The following AARS2 variants were observed in gnomAD, a reference collection of about 807,000 sequenced individuals.
The protein encoded by AARS2 is alanyl-tRNA synthetase 2, mitochondrial.
A neutral mutation model predicts 119.7 loss-of-function variants in AARS2; 78 were observed. The ratio of observed to expected loss-of-function variants is 0.65; its 90% CI spans 0.54 to 0.79. The LOEUF is 0.79. Among genes scored for constraint, AARS2 ranks in the 30% least tolerant of loss-of-function variants. The pLI, the probability that AARS2 is intolerant of heterozygous loss-of-function variation, is 0.00. For missense variants in AARS2, 1,157 were observed against 1,291.3 expected, an observed-to-expected ratio of 0.90 and a Z score of 1.59; for synonymous variants, 502 against 526.3, an observed-to-expected ratio of 0.95 and a Z score of 0.63.
rs1258430421 is a variant in AARS2 at position 44,307,031 on chromosome 6, C to T, written c.1041G>A (p.Pro347=). Residue 347 remains proline, a splice_region_variant and synonymous_variant, in exon 7 of 22, where the codon CCG becomes CCA. Transcript: ENST00000244571. The surrounding 1 kb of genome is among the most constrained non-coding windows in gnomAD (Gnocchi z 4.4). ...GACGCAGGATCCGACGAAGAACCAG[C>T]CTAAAGGGGTTCAGAGCCCAGACAT... ...DGIFPGMSGP[P]LVLRRILRRA... The T allele has an allele frequency of 1.2e-6, 2 of 1,614,068 alleles. No homozygotes were observed. The highest frequency in any genetic ancestry group is 2.2e-5 in the South Asian group (2 of 91,084).
chr6:44,301,491 G>T (rs373968866), intron 19 of AARS2, 27 bp from the exon 20 acceptor site: 1 of 1,598,120 alleles, frequency 6.3e-7, no homozygotes. Context: ...ACAAGCAGAG[G>T]GGTCAGGCTG....
At position 44,307,142 on chromosome 6, in the gene AARS2, C is replaced by T. The variant is rs1156534877; in HGVS notation, c.1040+107G>A. 6.3e-7 allele frequency: 1 copy of T among 1,591,388 alleles called. No homozygotes were observed. The highest frequency in any genetic ancestry group is 1.3e-5 in the African/African-American group (1 of 74,292). On this transcript the variant is annotated intron_variant, in intron 6 of 21. Coordinates refer to ENST00000244571, the MANE Select transcript of AARS2 (RefSeq NM_020745.4). This position sits in a 1 kb window ranked among gnomAD's most constrained non-coding sequence, Gnocchi z 4.4. ...GCTCCCACCTCAAAGCTCTCCCTCT[C>T]CCCATTCCTCCTACTGGCTCAACCA...
Position 44,304,498 on chromosome 6 carries a change from A to G in AARS2, c.1788T>C (p.Cys596=), listed in dbSNP as rs201849519. ...CTGCCTCATGCAGGATGAAACCTCC[A>G]CAGACCTGGGCCCGGGCTACTGGGA... The part of the protein sequence containing the change: ...VLFPVARAQV[C]GGFILHEAVA... Residue 596 remains cysteine (C), a synonymous_variant, in exon 13 of 22, where the codon TGT becomes TGC. Coordinates refer to ENST00000244571, the MANE Select transcript of AARS2 (RefSeq NM_020745.4). 9 of 1,614,046 alleles carry G rather than the reference A, an allele frequency of 5.6e-6. No individual in the cohort carries two copies. The highest frequency in any genetic ancestry group is 6.8e-6 in the Non-Finnish European group (8 of 1,180,036).
intron 21 of AARS2, 69 bp downstream of exon 21, chr6:44,301,087 G>T: frequency 7.0e-7 from 1 of 1,424,180 alleles, no homozygotes; most frequent in Non-Finnish European, 9.8e-7. Flanking sequence ...AATTAAAGGT[G>T]TAAAATCAGA....
At position 44,307,216 on chromosome 6, in the gene AARS2, C is replaced by A; in HGVS notation, c.1040+33G>T. 6.2e-7 allele frequency: 1 copy of A among 1,613,722 alleles called. No individual in the cohort carries two copies. The highest frequency in any genetic ancestry group is 2.2e-5 in the East Asian group (1 of 44,878). On this transcript the variant is annotated intron_variant, in intron 6 of 21. Transcript: ENST00000244571. This position sits in a 1 kb window ranked among gnomAD's most constrained non-coding sequence, Gnocchi z 4.4. ...CTCCTCCACCTGAGACCCCCAGCAG[C>A]CCCTGTCCTCTCTGTAGCCCTTCCA...
At chr6:44,306,825 C>T (rs1583056175) in intron 7 of AARS2, 98 bp downstream of exon 7, 1 of 1,165,796 alleles carries the variant, frequency 8.6e-7, no homozygotes, top group Non-Finnish European at 1.3e-6. Context: ...AGGGTGGGGA[C>T]CTCTGGGCAC....
chr6:44,304,543 G>A lies in AARS2; in HGVS notation c.1753-10C>T, dbSNP rs757427721. 2 of 1,614,088 alleles carry A rather than the reference G, an allele frequency of 1.2e-6. No homozygotes were observed. The highest frequency in any genetic ancestry group is 8.5e-7 in the Non-Finnish European group (1 of 1,179,978). On this transcript the variant is annotated splice_polypyrimidine_tract_variant and intron_variant, in intron 12 of 21. Transcript: ENST00000244571. ...CTGGGAACAGCACGTCCTGAGGGAG[G>A]GTAGTGGTCAAGGTGCCTGTAGCCT...
chr6:44,306,363 G>C lies in AARS2; in HGVS notation c.1217C>G (p.Ala406Gly), dbSNP rs1785845893. The C allele has an allele frequency of 6.2e-7, 1 of 1,614,086 alleles. No individual in the cohort carries two copies. Among genetic ancestry groups the C allele is most frequent in the African/African-American group, 1.3e-5 (1 of 75,016 alleles). ...QIANLVSEDE[A>G]AFLASLERGR... ...CCGCTCCAGGGAGGCCAGGAAGGCT[G>C]CCTCGTCCTCTGACACCAGGTTGGC... The change falls in exon 9 of 22, where the codon GCA becomes GGA. Residue 406 changes from alanine to glycine, a missense_variant. Physicochemically the swap from Ala to Gly is moderately conservative, Grantham distance 60. Transcript: ENST00000244571.
rs768192967 is a variant in AARS2, at chr6:44,303,347, T to G, written c.2084A>C (p.Tyr695Ser). Reference protein sequence around the residue: ...QEAVGQDEAVYMEEVPLALTA... With the variant: ...QEAVGQDEAVSMEEVPLALTA... ...GAGCGCCAGGGGCACCTCCTCCATG[T>G]ACACAGCCTCATCCTGCCCCACGGC... The change falls in exon 15 of 22, where the codon TAC (tyrosine) becomes TCC (serine). Residue 695 changes from tyrosine to serine, a missense_variant. Physicochemically the swap from Tyr to Ser is moderately radical, Grantham distance 144. Transcript: ENST00000244571. The G allele has an allele frequency of 6.2e-7, 1 of 1,614,048 alleles. No homozygotes were observed. The highest frequency in any genetic ancestry group is 1.1e-5 in the South Asian group (1 of 91,090).
rs1019948323 is a variant in AARS2, at chr6:44,310,882, C to T, written c.749+112G>A. ...GGTGTTGAGAATTGTGCCTGACACA[C>T]GGTAAGCACCGTTTACATGTTTGTT... On this transcript the variant is annotated intron_variant, in intron 4 of 21. Transcript: ENST00000244571. 54 of 1,387,904 alleles carry T rather than the reference C, an allele frequency of 3.9e-5. No homozygotes were observed. The East Asian group carries it at 7.6e-4, about 19-fold the overall frequency. 86.0% of individuals were successfully genotyped at this position (1,387,904 alleles called of 1,614,324 possible). A position where few individuals can be genotyped will look rare whatever the true frequency, so the allele number is the denominator to read the frequency against.
At position 44,311,047 on chromosome 6, in the gene AARS2, C is replaced by T. The variant is rs1786306120; in HGVS notation, c.696G>A (p.Val232=). 1 of 1,614,054 alleles carries T rather than the reference C, an allele frequency of 6.2e-7. No individual in the cohort carries two copies. Among genetic ancestry groups the T allele is most frequent in the African/African-American group, 1.3e-5 (1 of 75,052 alleles). Residue 232 remains valine, a synonymous_variant, in exon 4 of 22, where the codon GTG becomes GTA. Coordinates refer to ENST00000244571, the MANE Select transcript of AARS2 (RefSeq NM_020745.4). ...TEIHYDLAGG[V]GAPQLVELWN... The stretch of plus-strand genomic sequence containing the variant: ...AAAGCTCTACCAGCTGGGGGGCTCC[C>T]ACCCCACCAGCAAGGTCGTAGTGGA...
In AARS2 at chr6:44,300,334, C is replaced by T. The variant is rs551723466; in HGVS notation, c.*213G>A. On this transcript the variant is annotated 3_prime_UTR_variant, in exon 22 of 22. Transcript: ENST00000244571. ...CCATAATTGTCCATGTCTTCTCTTT[C>T]ACCAAGGGGGTGTGTGTCTTTGGGC... The T allele has an allele frequency of 3.1e-6, 2 of 639,082 alleles. No individual in the cohort carries two copies. The highest frequency in any genetic ancestry group is 2.7e-5 in the East Asian group (1 of 37,186). The allele number at this position is 639,082 out of a possible 1,614,324, so 39.6% of individuals were successfully genotyped here.
chr6:44,307,235 C>G lies in AARS2; in HGVS notation c.1040+14G>C. The G allele has an allele frequency of 6.2e-7, 1 of 1,613,974 alleles. No homozygotes were observed. The highest frequency in any genetic ancestry group is 8.5e-7 in the Non-Finnish European group (1 of 1,179,976). ...CAGCAGCCCCTGTCCTCTCTGTAGC[C>G]CTTCCAGACTCACGGGGGACCTGAC... On this transcript the variant is annotated intron_variant, in intron 6 of 21. Coordinates refer to ENST00000244571, the MANE Select transcript of AARS2 (RefSeq NM_020745.4). The surrounding 1 kb of genome is among the most constrained non-coding windows in gnomAD (Gnocchi z 4.4).
chr6:44,301,128 C>T (rs369343124), intron 21 of AARS2, 28 bp downstream of exon 21: 569 of 1,578,350 alleles, frequency 3.6e-4, no homozygotes, highest in Admixed American at 4.9e-4. Flanking sequence ...TTAATGGGGG[C>T]GGTGGGCTGC....
chr6:44,303,856 G>C (rs1583052372), intron 14 of AARS2, among the ~76,000 whole-genome samples: 1 of 152,216 alleles, frequency 6.6e-6, no homozygotes, highest in Non-Finnish European at 1.5e-5. Flanking sequence ...AGCAGAGGGA[G>C]AGGGCAGCCC....
chr6:44,301,565 C>T, intron 19 of AARS2, 101 bp from the exon 20 acceptor site: 2 of 1,109,452 alleles, frequency 1.8e-6, no homozygotes, highest in Non-Finnish European at 2.7e-6. Flanking sequence ...TCCCCTGCTT[C>T]CCCCACCCAC....
Position 44,301,454 on chromosome 6 carries a change from TTC to T in AARS2, c.2607_2608del (p.Lys870AsnfsTer21). 6.2e-7 allele frequency: 1 copy of T among 1,613,634 alleles called. No individual in the cohort carries two copies. The highest frequency in any genetic ancestry group is 8.5e-7 in the Non-Finnish European group (1 of 1,179,992). ...GTGCCGCTCCAGCAGCTCCTGAGTT[TTC>T]TTTGCAGCCTATGGGGCAGGAAGGA... On this transcript the variant is annotated frameshift_variant, in exon 20 of 22. Coordinates refer to ENST00000244571, the MANE Select transcript of AARS2 (RefSeq NM_020745.4). LOFTEE classifies it high-confidence loss of function.
chr6:44,306,182 G>T, intron 9 of AARS2, 98 bp downstream of exon 9: 3 of 1,127,254 alleles, frequency 2.7e-6, no homozygotes, highest in South Asian at 1.2e-5. Flanking sequence ...GAGGTCAGGG[G>T]TGGATATGAG....
chr6:44,302,187 T>G lies in AARS2; in HGVS notation c.2488-17A>C, dbSNP rs774598669. ...TTCCACAGCCTATGGCCAGAAGCAGTACATCACCCCTGCCCTTCCCTGAGC... is the reference window on the plus strand; with the variant it reads ...TTCCACAGCCTATGGCCAGAAGCAGGACATCACCCCTGCCCTTCCCTGAGC... On this transcript the variant is annotated splice_polypyrimidine_tract_variant and intron_variant, in intron 18 of 21. Transcript: ENST00000244571. 6.2e-7 allele frequency: 1 copy of G among 1,613,712 alleles called. No individual in the cohort carries two copies. The highest frequency in any genetic ancestry group is 1.7e-5 in the Admixed American group (1 of 60,024).
Sources: allele counts gnomAD v4.1 joint callset (sites outside exome capture counted in the v4.1 genomes callset), GRCh38; gene constraint gnomAD v4.1.1; non-coding constraint Gnocchi (gnomAD v3.1); transcripts MANE v1.5; gene names NCBI Gene and HGNC (gene_info 2026-07-23, HGNC 2026-07-21).